The following GABRB3 variants were observed in gnomAD, a reference collection of about 807,000 sequenced individuals.
The protein encoded by GABRB3 is gamma-aminobutyric acid type A receptor subunit beta3, also known as gamma-aminobutyric acid receptor subunit beta-3.
GABRB3 carries 14 observed loss-of-function variants against 52.1 expected under a neutral mutation model. The ratio of observed to expected loss-of-function variants is 0.27; its 90% CI spans 0.18 to 0.42. The LOEUF (loss-of-function observed/expected upper bound fraction) is 0.42. Among genes scored for constraint, GABRB3 ranks in the 10% least tolerant of loss-of-function variants. The probability of loss-of-function intolerance (pLI) is 1.00; values close to 1 mark genes in which losing one functional copy is unlikely to be tolerated. For synonymous variants in GABRB3, 260 were observed against 232.3 expected (o/e 1.12, Z -1.08); for missense variants, 307 against 609.1 (o/e 0.50, Z 5.22).
intron 3 of GABRB3, among the ~76,000 whole-genome samples, chr15:26,645,701 C>T (rs67677758): frequency 6.6e-6 from 1 of 151,912 alleles, no homozygotes; most frequent in Non-Finnish European, 1.5e-5. Context: ...TAAAGGACTC[C>T]GAATTCATGC....
intron 8 of GABRB3, chr15:26,557,714 A>T (rs968944987): frequency 1.3e-5 from 2 of 152,222 alleles, no homozygotes; most frequent in Non-Finnish European, 2.9e-5. Flanking sequence ...TACAATACAG[A>T]TTCTTAACCA....
intron 3 of GABRB3, among the ~76,000 whole-genome samples, chr15:26,623,691 C>G (rs958590529): frequency 3.9e-5 from 6 of 152,164 alleles, no homozygotes; most frequent in African/African-American, 1.4e-4. Context: ...CCCGCTTAAA[C>G]TGCCCCAGGT....
intron 3 of GABRB3, among the ~76,000 whole-genome samples, chr15:26,755,065 G>A (rs950203632): frequency 6.0e-5 from 9 of 149,766 alleles, no homozygotes; most frequent in African/African-American, 2.0e-4. Flanking sequence ...GTGCAGTGGT[G>A]CAATCTCAGC....
intron 8 of GABRB3, among the ~76,000 whole-genome samples, chr15:26,552,482 TTCAGGTGTGGCTGAA>T (rs1281617980): frequency 2.0e-5 from 3 of 152,192 alleles, no homozygotes; most frequent in African/African-American, 7.2e-5. Flanking sequence ...AACAGTTAAA[TTCAGGTGTGGCTGAA>T]ACAGGTGCCC....
chr15:26,691,144 C>T (rs1888575031), intron 3 of GABRB3, among the ~76,000 whole-genome samples: 1 of 151,974 alleles, frequency 6.6e-6, no homozygotes, highest in African/African-American at 2.4e-5. Flanking sequence ...GACACTGAGT[C>T]CCAGTCTTGC....
intron 3 of GABRB3, chr15:26,772,077 C>A (rs577808120): frequency 7.0e-6 from 2 of 287,500 alleles, no homozygotes; most frequent in African/African-American, 2.2e-5. Flanking sequence ...AGACAGCGCT[C>A]GGGAAACCTC....
intron 8 of GABRB3, among the ~76,000 whole-genome samples, chr15:26,560,058 ATT>A (rs1245226953): frequency 6.6e-6 from 1 of 152,196 alleles, no homozygotes; most frequent in Non-Finnish European, 1.5e-5. Context: ...ATATTGAAAC[ATT>A]TTGGAAAAAT....
intron 3 of GABRB3, among the ~76,000 whole-genome samples, chr15:26,703,357 T>A (rs1334689827): frequency 6.6e-6 from 1 of 152,104 alleles, no homozygotes; most frequent in Non-Finnish European, 1.5e-5. Context: ...CTGATCCCAT[T>A]TGCAAGGGAG....
At chr15:26,593,712 C>T (rs1891289792) in intron 4 of GABRB3, among the ~76,000 whole-genome samples, 1 of 151,992 alleles carries the variant, frequency 6.6e-6, no homozygotes, top group South Asian at 2.1e-4. Flanking sequence ...TTTATCCATT[C>T]ATCTGTTGGC....
chr15:26,616,742 C>T (rs907646091), intron 4 of GABRB3, among the ~76,000 whole-genome samples: 3 of 152,028 alleles, frequency 2.0e-5, no homozygotes, highest in Non-Finnish European at 4.4e-5. Flanking sequence ...CTTATTATTA[C>T]ATTATTATTT....
rs59610423 is a variant in GABRB3 at position 26,771,476 on chromosome 15, A to G, written c.240+926T>C. On this transcript the variant is annotated intron_variant, in intron 3 of 8. Coordinates refer to ENST00000311550, the MANE Select transcript of GABRB3 (RefSeq NM_000814.6). ...ATGTCCGAAAGAAAAGTTGCCAAAC[A>G]ATTTCTTCCAAAAAACAAATATTGT... 2.0e-3 allele frequency among the ~76,000 whole-genome samples: 303 copies of G among 152,322 alleles called. 1 individual carries two copies. Among genetic ancestry groups the G allele is most frequent in the African/African-American group, 6.4e-3 (266 of 41,566 alleles).
chr15:26,669,235 C>G (rs944932683), intron 3 of GABRB3, among the ~76,000 whole-genome samples: 5 of 152,208 alleles, frequency 3.3e-5, no homozygotes, highest in Non-Finnish European at 2.9e-5. Flanking sequence ...GGAATTTTAT[C>G]TCTTTCGTTT....
At position 26,679,034 on chromosome 15, in the gene GABRB3, A is replaced by G. The variant is rs1173328234; in HGVS notation, c.241-57500T>C. Reference sequence around the variant, plus strand: ...CCCTCTAGGCAGGTCTCTATGGAACAGGAGACCCAGAACCTGCAGAAAGAC... The same window carrying G: ...CCCTCTAGGCAGGTCTCTATGGAACGGGAGACCCAGAACCTGCAGAAAGAC... On this transcript the variant is annotated intron_variant, in intron 3 of 8. Coordinates refer to ENST00000311550, the MANE Select transcript of GABRB3 (RefSeq NM_000814.6). Among the ~76,000 whole-genome samples the G allele has an allele frequency of 2.0e-5, 3 of 152,108 alleles. No individual in the cohort carries two copies. The East Asian group carries it at 5.8e-4, about 29-fold the overall frequency.
At chr15:26,708,954 T>C (rs1330941106) in intron 3 of GABRB3, among the ~76,000 whole-genome samples, 5 of 152,216 alleles carry the variant, frequency 3.3e-5, no homozygotes, top group African/African-American at 1.2e-4. Context: ...TTACTATTAG[T>C]ACTGCATATC....
chr15:26,749,525 A>G (rs1416176565), intron 3 of GABRB3, among the ~76,000 whole-genome samples: 1 of 152,188 alleles, frequency 6.6e-6, no homozygotes, highest in Non-Finnish European at 1.5e-5. Context: ...ATAAGTGTCA[A>G]TCAAATCCTG....
intron 6 of GABRB3, 29 bp downstream of exon 6, chr15:26,580,290 A>T: frequency 6.2e-7 from 1 of 1,613,954 alleles, no homozygotes; most frequent in South Asian, 1.1e-5. Context: ...AGTGCCCCTG[A>T]AGGGACTATA....
intron 3 of GABRB3, among the ~76,000 whole-genome samples, chr15:26,634,901 T>TTA (rs1241284651): frequency 1.6e-3 from 179 of 112,530 alleles, no homozygotes; most frequent in Admixed American, 4.6e-3. Flanking sequence ...ACTTTAAAAA[T>TTA]TATATATATC....
chr15:26,578,214 A>C (rs757014910), intron 6 of GABRB3, among the ~76,000 whole-genome samples: 3 of 152,228 alleles, frequency 2.0e-5, no homozygotes, highest in African/African-American at 4.8e-5. Flanking sequence ...TTTAATATTA[A>C]AATATCTTTA....
At chr15:26,624,780 G>A in intron 3 of GABRB3, 3 of 985,496 alleles carry the variant, frequency 3.0e-6, no homozygotes, top group Non-Finnish European at 3.6e-6. Context: ...GGCAACAAAG[G>A]GAAGGGGGTG....
Sources: gnomAD v4.1 joint callset for allele counts (sites outside exome capture counted in the v4.1 genomes callset) on GRCh38, gnomAD v4.1.1 for gene constraint, MANE v1.5 for transcripts, NCBI Gene and HGNC (gene_info 2026-07-23, HGNC 2026-07-21) for gene names.